RBM28: variants seen among roughly 807,000 people sequenced by gnomAD.
The protein encoded by RBM28 is RNA binding motif protein 28.
Under a neutral mutation model 98.3 loss-of-function variants are expected in RBM28, and 78 were observed. That is an observed-to-expected ratio of 0.79 (90% CI 0.66 to 0.96). The LOEUF is 0.96. Ranked by LOEUF, RBM28 falls within the 40% of genes least tolerant of loss-of-function variation. The probability of loss-of-function intolerance (pLI) is 0.00; values close to 1 mark genes in which losing one functional copy is unlikely to be tolerated. For synonymous variants in RBM28, 306 were observed against 330.9 expected (o/e 0.92, Z 0.82); for missense variants, 838 against 913.0 (o/e 0.92, Z 1.06).
intron 10 of RBM28, among the ~76,000 whole-genome samples, chr7:128,326,297 C>T (rs1341479377): frequency 7.2e-6 from 1 of 138,330 alleles, no homozygotes; most frequent in Non-Finnish European, 1.5e-5. Context: ...AGCAAGACTC[C>T]GTCTCAAAAA....
At chr7:128,315,984 T>C (rs988037556) in intron 16 of RBM28, among the ~76,000 whole-genome samples, 1 of 152,218 alleles carries the variant, frequency 6.6e-6, no homozygotes, top group African/African-American at 2.4e-5. Flanking sequence ...AAGGAAGTTA[T>C]AGAAGTATTT....
At chr7:128,333,476 G>C in intron 8 of RBM28, 114 bp from the exon 9 acceptor site, 1 of 869,692 alleles carries the variant, frequency 1.1e-6, no homozygotes, top group South Asian at 1.4e-5. Context: ...ATGCCACTTT[G>C]AAAAGCCCAG....
chr7:128,305,220 A>G lies in RBM28; in HGVS notation c.*5577T>C, dbSNP rs1313815392. 1.3e-5 allele frequency: 2 copies of G among 151,786 alleles called. No homozygotes were observed. The highest frequency in any genetic ancestry group is 2.9e-5 in the Non-Finnish European group (2 of 68,036). 9.4% of individuals were successfully genotyped at this position (151,786 alleles called of 1,614,324 possible). On this transcript the variant is annotated 3_prime_UTR_variant, in exon 19 of 19. Transcript: ENST00000223073. ...ATCCTGTTGTCTCACTGTAAATAGC[A>G]TAAGAACAATGTTCTGGCCCCTCCC...
At chr7:128,337,970 G>T (rs1796638353) in intron 5 of RBM28, among the ~76,000 whole-genome samples, 1 of 152,134 alleles carries the variant, frequency 6.6e-6, no homozygotes, top group South Asian at 2.1e-4. Context: ...GAGGAATCTA[G>T]ATACCAACCT....
At position 128,339,626 on chromosome 7, in the gene RBM28, A is replaced by C. The variant is rs376915085; in HGVS notation, c.277+7T>G. ...AGAAAAACTTCCTTCAATTACTAGA[A>C]ACTCACCATTTTTCCCCTTTTCCTT... is the stretch of plus-strand genomic sequence containing the variant. On this transcript the variant is annotated splice_region_variant and intron_variant, in intron 2 of 18. Transcript: ENST00000223073. 529 of 1,613,472 alleles carry C rather than the reference A, an allele frequency of 3.3e-4. 1 individual carries two copies. Among genetic ancestry groups the C allele is most frequent in the Non-Finnish European group, 3.8e-4 (450 of 1,179,606 alleles).
At chr7:128,331,854 G>A (rs952967126) in intron 9 of RBM28, among the ~76,000 whole-genome samples, 9 of 152,070 alleles carry the variant, frequency 5.9e-5, no homozygotes, top group African/African-American at 2.2e-4. Flanking sequence ...TCTCTTATAT[G>A]CACTGAATAG....
At chr7:128,318,750 C>G (rs1051426296) in intron 14 of RBM28, among the ~76,000 whole-genome samples, 1 of 152,026 alleles carries the variant, frequency 6.6e-6, no homozygotes, top group East Asian at 1.9e-4. Flanking sequence ...CAACTGTTTG[C>G]GATACATACA....
chr7:128,298,593 C>G lies in RBM28; in HGVS notation c.*12204G>C, dbSNP rs1213412276. On this transcript the variant is annotated 3_prime_UTR_variant, in exon 19 of 19. Coordinates refer to ENST00000223073, the MANE Select transcript of RBM28 (RefSeq NM_018077.3). Reference sequence around the variant, plus strand: ...TTTTCAAATGCCCCCCATTGCTCTTCTTTAAATATACAGAATATATTCTTT... The same window carrying G: ...TTTTCAAATGCCCCCCATTGCTCTTGTTTAAATATACAGAATATATTCTTT... The G allele has an allele frequency of 6.7e-6, 1 of 149,880 alleles. No individual in the cohort carries two copies. Among genetic ancestry groups the G allele is most frequent in the East Asian group, 1.9e-4 (1 of 5,190 alleles). The allele number at this position is 149,880 out of a possible 1,614,324, so 9.3% of individuals were successfully genotyped here. A position where few individuals can be genotyped will look rare whatever the true frequency, so the allele number is the denominator to read the frequency against.
rs751017059 is a variant in RBM28 at position 128,337,132 on chromosome 7, T to C, written c.612A>G (p.Ile204Met). Residue 204 changes from isoleucine (I) to methionine (M), a missense_variant and splice_region_variant, in exon 6 of 19, where the codon ATA becomes ATG. Transcript: ENST00000223073. ...TCACCCAACACTACCACATCTTACC[T>C]ATAGCAGAAACAGACTGTGTATCTT... ...KYKDTQSVSA[I>M]GEEKSHESKH... 3 of 1,614,018 alleles carry C rather than the reference T, an allele frequency of 1.9e-6. No individual in the cohort carries two copies. The highest frequency in any genetic ancestry group is 2.5e-6 in the Non-Finnish European group (3 of 1,179,896).
In RBM28 at chr7:128,310,326, TA is replaced by T; in HGVS notation, c.*470del. 4 of 239,380 alleles carry T rather than the reference TA, an allele frequency of 1.7e-5. No individual in the cohort carries two copies. Among genetic ancestry groups the T allele is most frequent in the South Asian group, 1.1e-4 (2 of 17,868 alleles). The allele number at this position is 239,380 out of a possible 1,614,324, so 14.8% of individuals were successfully genotyped here. A position where few individuals can be genotyped will look rare whatever the true frequency, so the allele number is the denominator to read the frequency against. On this transcript the variant is annotated 3_prime_UTR_variant, in exon 19 of 19. Coordinates refer to ENST00000223073, the MANE Select transcript of RBM28 (RefSeq NM_018077.3). ...AGACAGTTCCTGCAGTGTGTAAGAC[TA>T]CAGAGCTGAATTAGGAATGTCAAAG...
rs564322121 is a variant in RBM28, at chr7:128,312,328, G to A, written c.2145+847C>T. On this transcript the variant is annotated intron_variant, in intron 18 of 18. Coordinates refer to ENST00000223073, the MANE Select transcript of RBM28 (RefSeq NM_018077.3). ...GCTACTCGGGAGGCTACTCCTGGAG[G>A]CGGAGGTTGCAGTGAGCCGAGATTG... Among the ~76,000 whole-genome samples the A allele has an allele frequency of 5.3e-5, 8 of 152,278 alleles. No homozygotes were observed. The East Asian group carries it at 1.4e-3, about 26-fold the overall frequency.
chr7:128,323,508 C>A lies in RBM28; in HGVS notation c.1404+19G>T. 3 of 1,613,980 alleles carry A rather than the reference C, an allele frequency of 1.9e-6. No individual in the cohort carries two copies. The highest frequency in any genetic ancestry group is 2.5e-6 in the Non-Finnish European group (3 of 1,179,842). ...TATAGGCCACGCAGAACGTGAAGGT[C>A]AATGCCTAATCTACTCACCCGTTCT... On this transcript the variant is annotated intron_variant, in intron 13 of 18. Transcript: ENST00000223073.
chr7:128,315,126 T>C (rs1796080467), intron 16 of RBM28, 106 bp from the exon 17 acceptor site: 2 of 1,506,850 alleles, frequency 1.3e-6, no homozygotes, highest in South Asian at 2.3e-5. Context: ...GAAGAGGAAT[T>C]CTTCCCCCAC....
In RBM28 at chr7:128,331,570, CCT is replaced by C. The variant is rs1270987729; in HGVS notation, c.1020-644_1020-643del. On this transcript the variant is annotated intron_variant, in intron 9 of 18. Transcript: ENST00000223073. Reference sequence around the variant, plus strand: ...TATCTCTCTTAATTAGCCATTTTTTCCTCTGTGTTGCTATTAAATCCAGGTTT... The same window carrying C: ...TATCTCTCTTAATTAGCCATTTTTTCCTGTGTTGCTATTAAATCCAGGTTT... Among the ~76,000 whole-genome samples, 76 of 152,180 alleles carry C rather than the reference CCT, an allele frequency of 5.0e-4. 1 individual carries two copies. The highest frequency in any genetic ancestry group is 4.0e-4 in the Non-Finnish European group (27 of 67,996).
chr7:128,315,427 C>T (rs1265976064), intron 16 of RBM28, among the ~76,000 whole-genome samples: 1 of 152,166 alleles, frequency 6.6e-6, no homozygotes, highest in Non-Finnish European at 1.5e-5. Flanking sequence ...GATCTAGGAA[C>T]TCAGAGAAGA....
chr7:128,322,586 C>T (rs1796260564), intron 13 of RBM28, among the ~76,000 whole-genome samples: 1 of 152,116 alleles, frequency 6.6e-6, no homozygotes, highest in African/African-American at 2.4e-5. Context: ...AAAGCTGTGC[C>T]TGCTGTGAAT....
rs1795869440 is a variant in RBM28 at position 128,306,419 on chromosome 7, A to C, written c.*4378T>G. ...TGACTCTGTTGTCCTTCACAAGCCC[A>C]GCTAGGCCCTGGAACAAATGGCCTT... On this transcript the variant is annotated 3_prime_UTR_variant, in exon 19 of 19. Transcript: ENST00000223073. The C allele has an allele frequency of 6.6e-6, 1 of 152,252 alleles. No individual in the cohort carries two copies. The allele number at this position is 152,252 out of a possible 1,614,324, so 9.4% of individuals were successfully genotyped here. A position where few individuals can be genotyped will look rare whatever the true frequency, so the allele number is the denominator to read the frequency against.
rs138804501 is a variant in RBM28, at chr7:128,339,294, G to C, written c.305C>G (p.Pro102Arg). Residue 102 changes from proline to arginine, a missense_variant, in exon 3 of 19, where the codon CCG becomes CGG. Pro to Arg is a moderately radical substitution (Grantham distance 103). Coordinates refer to ENST00000223073, the MANE Select transcript of RBM28 (RefSeq NM_018077.3). ...TGCCACTTTGGCTTTTTTAGCCTTC[G>C]GCTCCTTCTTTGGGCACTCTGAGTT... ...NENSECPKKE[P>R]KAKKAKVADK... 3.5e-5 allele frequency: 56 copies of C among 1,612,978 alleles called. No individual in the cohort carries two copies. The highest frequency in any genetic ancestry group is 4.6e-5 in the Non-Finnish European group (54 of 1,179,272).
intron 12 of RBM28, among the ~76,000 whole-genome samples, chr7:128,323,865 T>C (rs988959140): frequency 2.0e-5 from 3 of 152,180 alleles, no homozygotes; most frequent in African/African-American, 7.2e-5. Context: ...ATGCCCAAAG[T>C]CAGAAAGAAA....
Sources: gnomAD v4.1 joint callset for allele counts (sites outside exome capture counted in the v4.1 genomes callset) on GRCh38, gnomAD v4.1.1 for gene constraint, MANE v1.5 for transcripts, NCBI Gene and HGNC (gene_info 2026-07-23, HGNC 2026-07-21) for gene names.